CCM2: variants seen among roughly 807,000 people sequenced by gnomAD.
The protein encoded by CCM2 is CCM2 scaffold protein, also known as cerebral cavernous malformations 2 protein.
Under a neutral mutation model 44.9 loss-of-function variants are expected in CCM2, and 25 were observed. The ratio of observed to expected loss-of-function variants is 0.56; its 90% confidence interval spans 0.41 to 0.78. The LOEUF is 0.78. Ranked by LOEUF, CCM2 falls within the 30% of genes least tolerant of loss-of-function variation. The pLI, the probability that CCM2 is intolerant of heterozygous loss-of-function variation, is 0.00. For synonymous variants in CCM2, 219 were observed against 241.1 expected (o/e 0.91, Z 0.85); for missense variants, 481 against 580.6 (o/e 0.83, Z 1.76).
At chr7:45,071,729 G>A (rs1310315475) in intron 6 of CCM2, 24 of 456,340 alleles carry the variant, frequency 5.3e-5, no homozygotes, top group Non-Finnish European at 9.7e-5. Context: ...TTGGCTCATG[G>A]CCCTTCCTCT....
At chr7:45,027,627 C>G in intron 1 of CCM2, 1 of 1,612,858 alleles carries the variant, frequency 6.2e-7, no homozygotes. Context: ...TTCTGGTCTT[C>G]CTGTTCAGTC....
chr7:45,067,197 C>CTTT (rs539848444), intron 4 of CCM2, among the ~76,000 whole-genome samples: 3 of 141,304 alleles, frequency 2.1e-5, no homozygotes, highest in Non-Finnish European at 4.6e-5. Flanking sequence ...CTGTGCCCGC[C>CTTT]TTTTTTTTTT....
intron 7 of CCM2, 22 bp from the exon 8 acceptor site, chr7:45,073,438 C>A: frequency 6.3e-7 from 1 of 1,585,292 alleles, no homozygotes; most frequent in South Asian, 1.1e-5. Flanking sequence ...GCCACCCGCT[C>A]ACATACCACA....
chr7:45,076,190 C>G lies in CCM2; in HGVS notation c.*133C>G. 7.8e-7 allele frequency: 1 copy of G among 1,274,268 alleles called. No homozygotes were observed. Among genetic ancestry groups the G allele is most frequent in the Non-Finnish European group, 1.1e-6 (1 of 908,490 alleles). 78.9% of individuals were successfully genotyped at this position (1,274,268 alleles called of 1,614,324 possible). A position where few individuals can be genotyped will look rare whatever the true frequency, so the allele number is the denominator to read the frequency against. On this transcript the variant is annotated 3_prime_UTR_variant, in exon 10 of 10. Transcript: ENST00000258781. ...GGCGCCCGGTGCAGATGGCCCCGGG[C>G]GGCCCAGGTCCTCTACTGTGAAGGA... is the stretch of plus-strand genomic sequence containing the variant.
intron 1 of CCM2, among the ~76,000 whole-genome samples, chr7:45,006,312 G>A (rs1795846059): frequency 6.7e-6 from 1 of 149,572 alleles, no homozygotes; most frequent in African/African-American, 2.5e-5. Flanking sequence ...CTCAGGATGT[G>A]ACTGTATTTG....
intron 1 of CCM2, among the ~76,000 whole-genome samples, chr7:45,022,984 A>G (rs747075908): frequency 3.4e-5 from 5 of 148,470 alleles, no homozygotes; most frequent in Non-Finnish European, 7.5e-5. Flanking sequence ...CAAGTGATCC[A>G]CCAGCCTCGG....
At chr7:45,043,763 C>G (rs1797624332) in intron 2 of CCM2, 3 of 382,240 alleles carry the variant, frequency 7.8e-6, no homozygotes, top group Non-Finnish European at 1.5e-5. Flanking sequence ...TTTCATTTTT[C>G]TCTCATTTTT....
At chr7:45,041,852 C>T (rs1421346416) in intron 2 of CCM2, among the ~76,000 whole-genome samples, 1 of 152,168 alleles carries the variant, frequency 6.6e-6, no homozygotes, top group East Asian at 1.9e-4. Flanking sequence ...CCTATTCCTT[C>T]CAACCAGGGA....
At position 45,045,047 on chromosome 7, in the gene CCM2, A is replaced by T. The variant is rs186969107; in HGVS notation, c.204+6621A>T. 9.4e-4 allele frequency among the ~76,000 whole-genome samples: 143 copies of T among 152,336 alleles called. 2 individuals carry two copies. Among genetic ancestry groups the T allele is most frequent in the African/African-American group, 3.3e-3 (139 of 41,576 alleles). ...TGGCCTGTCTTTGTGTTCTTGCTGT[A>T]TCAATATTTGTATCTTATCAGATAC... On this transcript the variant is annotated intron_variant, in intron 2 of 9. Transcript: ENST00000258781.
At chr7:45,022,759 G>T (rs1796531520) in intron 1 of CCM2, among the ~76,000 whole-genome samples, 2 of 151,526 alleles carry the variant, frequency 1.3e-5, no homozygotes, top group African/African-American at 4.8e-5. Flanking sequence ...TTTATTTTTT[G>T]AGACGGAGTC....
At chr7:45,046,440 C>G (rs971403339) in intron 2 of CCM2, among the ~76,000 whole-genome samples, 2 of 151,650 alleles carry the variant, frequency 1.3e-5, no homozygotes, top group Non-Finnish European at 2.9e-5. Context: ...GAAACAGATC[C>G]ACACATATAT....
At chr7:45,069,780 C>T (rs1039757556) in intron 5 of CCM2, 46 bp from the exon 6 acceptor site, 2 of 1,612,400 alleles carry the variant, frequency 1.2e-6, no homozygotes, top group Admixed American at 3.3e-5. Flanking sequence ...TGGGAAGGCG[C>T]AGTCTCCAGC....
intron 1 of CCM2, among the ~76,000 whole-genome samples, chr7:45,009,162 A>G (rs1457345936): frequency 6.6e-6 from 1 of 151,712 alleles, no homozygotes; most frequent in African/African-American, 2.4e-5. Flanking sequence ...TAAGCAGGGC[A>G]TGGTGGTGTG....
intron 2 of CCM2, among the ~76,000 whole-genome samples, chr7:45,055,983 G>T (rs772021539): frequency 2.6e-5 from 4 of 152,208 alleles, no homozygotes; most frequent in Non-Finnish European, 2.9e-5. Context: ...GTGCCCTCAA[G>T]GTTCTTCCAT....
chr7:45,056,858 C>T (rs1306511802), intron 2 of CCM2, among the ~76,000 whole-genome samples: 1 of 152,108 alleles, frequency 6.6e-6, no homozygotes, highest in Admixed American at 6.6e-5. Flanking sequence ...GTTGCCTGTG[C>T]TTTTGGTGTG....
At chr7:45,062,052 T>C (rs11980497) in intron 2 of CCM2, among the ~76,000 whole-genome samples, 5,909 of 152,304 alleles carry the variant, frequency 0.039, 381 homozygotes, top group African/African-American at 0.13. Context: ...TAGCATTGCA[T>C]ATCTGTCTCT....
intron 2 of CCM2, among the ~76,000 whole-genome samples, chr7:45,043,005 C>T (rs984547892): frequency 6.7e-5 from 9 of 134,278 alleles, no homozygotes; most frequent in Admixed American, 5.0e-4. Flanking sequence ...TAGGGTCTGT[C>T]TCTGTTGCCC....
intron 2 of CCM2, among the ~76,000 whole-genome samples, chr7:45,049,953 A>G (rs771366204): frequency 1.3e-5 from 2 of 152,280 alleles, no homozygotes; most frequent in Non-Finnish European, 2.9e-5. Context: ...TGTATTAGGT[A>G]TAAGTAATCT....
intron 1 of CCM2, among the ~76,000 whole-genome samples, chr7:45,014,108 C>T (rs536674079): frequency 6.6e-6 from 1 of 152,068 alleles, no homozygotes; most frequent in Non-Finnish European, 1.5e-5. Flanking sequence ...TAAGCTGGCT[C>T]TGGTCTCTTA....
Sources: allele counts gnomAD v4.1 joint callset (sites outside exome capture counted in the v4.1 genomes callset), GRCh38; gene constraint gnomAD v4.1.1; transcripts MANE v1.5; gene names NCBI Gene and HGNC (gene_info 2026-07-23, HGNC 2026-07-21).